The following SCN7A variants were observed in gnomAD, a reference collection of about 807,000 sequenced individuals.
SCN7A encodes sodium voltage-gated channel alpha subunit 7, also known as sodium channel protein type 7 subunit alpha.
In SCN7A, 138 loss-of-function variants were observed where a neutral mutation model predicts 155.2. The observed-to-expected ratio is 0.89, with a 90% CI of 0.77 to 1.02. The LOEUF (loss-of-function observed/expected upper bound fraction) is 1.02. SCN7A is among the 50% of genes least tolerant of loss of function. The pLI is 0.00. For synonymous variants in SCN7A, 693 were observed against 649.0 expected, an observed-to-expected ratio of 1.07 and a Z score of -1.03; for missense variants, 2,058 against 1,986.6, an observed-to-expected ratio of 1.04 and a Z score of -0.68.
intron 10 of SCN7A, among the ~76,000 whole-genome samples, chr2:166,461,056 T>C (rs1249210537): frequency 4.0e-5 from 6 of 148,466 alleles, no homozygotes; most frequent in South Asian, 2.1e-4. Flanking sequence ...TTCTTTTTTT[T>C]TTTTTTTTTT....
At chr2:166,412,095 C>A (rs954411369) in intron 23 of SCN7A, among the ~76,000 whole-genome samples, 3 of 152,036 alleles carry the variant, frequency 2.0e-5, no homozygotes, top group Non-Finnish European at 4.4e-5. Flanking sequence ...GGATTTATGA[C>A]TCTCTCTACT....
At chr2:166,487,797 A>T (rs1044123568) in intron 1 of SCN7A, among the ~76,000 whole-genome samples, 1 of 152,252 alleles carries the variant, frequency 6.6e-6, no homozygotes, top group African/African-American at 2.4e-5. Flanking sequence ...ATGAAACAAA[A>T]AAGTAAGGAC....
chr2:166,420,791 T>C (rs1386397213), intron 20 of SCN7A, among the ~76,000 whole-genome samples: 1 of 152,028 alleles, frequency 6.6e-6, no homozygotes, highest in Non-Finnish European at 1.5e-5. Context: ...TTTCATTCAG[T>C]GAGTAACCAC....
chr2:166,441,201 G>A (rs1701952132), intron 15 of SCN7A, 195 bp downstream of exon 15: 3 of 466,112 alleles, frequency 6.4e-6, no homozygotes, highest in South Asian at 5.7e-5. Context: ...CAAATCTGGT[G>A]CATATTCTAC....
At chr2:166,414,870 ATT>A (rs898077570) in intron 21 of SCN7A, 4 of 110,468 alleles carry the variant, frequency 3.6e-5, no homozygotes, top group African/African-American at 1.4e-4. Context: ...TATAATATAT[ATT>A]ATATAGGATA....
intron 3 of SCN7A, 25 bp from the exon 4 acceptor site, chr2:166,474,369 G>T: frequency 9.0e-7 from 1 of 1,111,206 alleles, no homozygotes; most frequent in Non-Finnish European, 1.3e-6. Flanking sequence ...GCGATCAAGT[G>T]AAATTAGAAC....
intron 15 of SCN7A, among the ~76,000 whole-genome samples, chr2:166,433,995 T>C (rs1165752023): frequency 6.6e-6 from 1 of 152,204 alleles, no homozygotes; most frequent in African/African-American, 2.4e-5. Flanking sequence ...AACTTGTTTA[T>C]AATTGTAAGG....
chr2:166,451,517 A>AT (rs1403983050), intron 11 of SCN7A, among the ~76,000 whole-genome samples: 1 of 152,146 alleles, frequency 6.6e-6, no homozygotes, highest in African/African-American at 2.4e-5. Context: ...TAGTTTAAGT[A>AT]TTTTTTGGAG....
intron 2 of SCN7A, among the ~76,000 whole-genome samples, chr2:166,482,397 T>A (rs145556184): frequency 3.9e-5 from 6 of 152,172 alleles, no homozygotes; most frequent in African/African-American, 1.4e-4. Context: ...ATAGTCCTAG[T>A]ATAATATCCC....
chr2:166,404,795 A>T lies in SCN7A; in HGVS notation c.*785T>A, dbSNP rs1268203260. ...TCATTTTAGTAAATGTATACTTTTTAAAAAAATAGGTGTAAATGAGAAGAA... is the reference window on the plus strand; with the variant it reads ...TCATTTTAGTAAATGTATACTTTTTTAAAAAATAGGTGTAAATGAGAAGAA... On this transcript the variant is annotated 3_prime_UTR_variant, in exon 26 of 26. Transcript: ENST00000643258. The T allele has an allele frequency of 1.3e-5, 2 of 150,436 alleles. No homozygotes were observed. Among genetic ancestry groups the T allele is most frequent in the South Asian group, 2.1e-4 (1 of 4,766 alleles). 9.3% of individuals were successfully genotyped at this position (150,436 alleles called of 1,614,324 possible). A position where few individuals can be genotyped will look rare whatever the true frequency, so the allele number is the denominator to read the frequency against.
At chr2:166,471,176 G>A (rs1048054194) in intron 6 of SCN7A, among the ~76,000 whole-genome samples, 3 of 151,998 alleles carry the variant, frequency 2.0e-5, no homozygotes, top group African/African-American at 7.2e-5. Flanking sequence ...AGCAGACTGT[G>A]TGTTGTTTAA....
intron 12 of SCN7A, among the ~76,000 whole-genome samples, chr2:166,445,288 C>G (rs975762633): frequency 2.7e-5 from 4 of 150,282 alleles, no homozygotes; most frequent in African/African-American, 9.8e-5. Context: ...TGCACTCCAG[C>G]CTGGGCAACA....
intron 10 of SCN7A, among the ~76,000 whole-genome samples, chr2:166,459,691 T>A (rs1702358555): frequency 6.6e-6 from 1 of 151,986 alleles, no homozygotes; most frequent in Non-Finnish European, 1.5e-5. Context: ...AAACTTGGAG[T>A]ACACTATTCC....
intron 11 of SCN7A, among the ~76,000 whole-genome samples, chr2:166,454,861 G>A (rs1034831850): frequency 5.3e-5 from 8 of 151,936 alleles, no homozygotes; most frequent in Non-Finnish European, 7.4e-5. Flanking sequence ...GACAATTTTC[G>A]AAAACTTCCT....
intron 15 of SCN7A, among the ~76,000 whole-genome samples, chr2:166,434,919 T>G (rs1423630842): frequency 6.6e-6 from 1 of 152,026 alleles, no homozygotes; most frequent in East Asian, 1.9e-4. Flanking sequence ...AAATAATTGA[T>G]TATAGAAAGA....
At position 166,415,665 on chromosome 2, in the gene SCN7A, C is replaced by A. The variant is rs546070018; in HGVS notation, c.3414+1042G>T. Among the ~76,000 whole-genome samples, 17 of 152,230 alleles carry A rather than the reference C, an allele frequency of 1.1e-4. No homozygotes were observed. In the South Asian group the frequency reaches 3.3e-3, roughly 30 times the overall value. ...ACATTTGTCAGTTCCCAAATTAATACTTTTATACTTTCTTATGACTGTCTT... is the reference window on the plus strand; with the variant it reads ...ACATTTGTCAGTTCCCAAATTAATAATTTTATACTTTCTTATGACTGTCTT... On this transcript the variant is annotated intron_variant, in intron 21 of 25. Transcript: ENST00000643258.
chr2:166,492,895 A>G (rs1269002796), intron 1 of SCN7A, among the ~76,000 whole-genome samples: 3 of 152,216 alleles, frequency 2.0e-5, no homozygotes, highest in Non-Finnish European at 4.4e-5. Flanking sequence ...TACTCAAGTT[A>G]AATAATTGGC....
intron 19 of SCN7A, 121 bp from the exon 20 acceptor site, chr2:166,421,418 GAATT>G: frequency 6.4e-6 from 3 of 468,326 alleles, no homozygotes; most frequent in Middle Eastern, 5.9e-4. Flanking sequence ...GTAAATTCGT[GAATT>G]ATTTTTACAT....
At chr2:166,489,703 T>C (rs1683040773) in intron 1 of SCN7A, among the ~76,000 whole-genome samples, 1 of 152,222 alleles carries the variant, frequency 6.6e-6, no homozygotes, top group African/African-American at 2.4e-5. Flanking sequence ...GGCTGCTTAA[T>C]TGACTTTTGC....
Sources: allele counts gnomAD v4.1 joint callset (sites outside exome capture counted in the v4.1 genomes callset), GRCh38; gene constraint gnomAD v4.1.1; transcripts MANE v1.5; gene names NCBI Gene and HGNC (gene_info 2026-07-23, HGNC 2026-07-21).